CNOT1: variants seen among roughly 807,000 people sequenced by gnomAD.
CNOT1 encodes CCR4-associated factor 1.
CNOT1 carries 15 observed loss-of-function variants against 273.8 expected under a neutral mutation model. That is an observed-to-expected ratio of 0.05 (90% CI 0.04 to 0.08). CNOT1 has a LOEUF of 0.08. Among genes scored for constraint, CNOT1 ranks in the 10% least tolerant of loss-of-function variants. CNOT1 has a pLI of 1.00. For synonymous variants in CNOT1, 1,022 were observed against 1,005.5 expected (o/e 1.02, Z -0.31); for missense variants, 1,644 against 2,912.2 (o/e 0.56, Z 10.02).
chr16:58,525,160 ACTG>A lies in CNOT1; in HGVS notation c.6784+16_6784+18del, dbSNP rs1164403236. On this transcript the variant is annotated intron_variant, in intron 46 of 48. Coordinates refer to ENST00000317147, the MANE Select transcript of CNOT1 (RefSeq NM_016284.5). ...AAGCACAGAGAACTCTACTCTGAAA[ACTG>A]GCAGGCTTCACTCACCCTCAGTGTC... 6.2e-7 allele frequency: 1 copy of A among 1,611,342 alleles called. No individual in the cohort carries two copies. The highest frequency in any genetic ancestry group is 2.2e-5 in the East Asian group (1 of 44,870).
rs549368805 is a variant in CNOT1, at chr16:58,609,304, G to A, written c.-174-9793C>T. Among the ~76,000 whole-genome samples the A allele has an allele frequency of 2.5e-4, 38 of 151,952 alleles. 2 individuals carry two copies. In the East Asian group the frequency reaches 3.9e-3, roughly 16 times the overall value. ...GGAGAATCACTTGAACCTGGGAGGC[G>A]GAGGTTGCAGTGAGCCAAGCTCTTG... is the stretch of plus-strand genomic sequence containing the variant. On this transcript the variant is annotated intron_variant, in intron 1 of 48. Transcript: ENST00000317147.
At position 58,553,201 on chromosome 16, in the gene CNOT1, G is replaced by A. The variant is rs534659931; in HGVS notation, c.2970+581C>T. Among the ~76,000 whole-genome samples the A allele has an allele frequency of 1.2e-4, 18 of 152,086 alleles. No homozygotes were observed. The South Asian group carries it at 3.7e-3, about 32-fold the overall frequency. On this transcript the variant is annotated intron_variant, in intron 22 of 48. Coordinates refer to ENST00000317147, the MANE Select transcript of CNOT1 (RefSeq NM_016284.5). Reference sequence around the variant, plus strand: ...GTGGGAGAATCACTTGAACCCAGGAGGACAATGTTGCAGTGAACCAAGATT... The same window carrying A: ...GTGGGAGAATCACTTGAACCCAGGAAGACAATGTTGCAGTGAACCAAGATT...
intron 16 of CNOT1, 78 bp downstream of exon 16, chr16:58,574,531 A>T: frequency 1.4e-6 from 2 of 1,388,424 alleles, no homozygotes; most frequent in Non-Finnish European, 9.7e-7. Flanking sequence ...ACTTTCACTG[A>T]ACCTCTTCTT....
At chr16:58,545,306 A>AC in intron 30 of CNOT1, 55 bp downstream of exon 30, 1 of 1,595,034 alleles carries the variant, frequency 6.3e-7, no homozygotes, top group Non-Finnish European at 8.5e-7. Flanking sequence ...GTGGCCAAAC[A>AC]AAATTTACCT....
chr16:58,606,382 C>CAAAAA (rs2042675634), intron 1 of CNOT1, among the ~76,000 whole-genome samples: 2 of 82,160 alleles, frequency 2.4e-5, no homozygotes, highest in African/African-American at 1.2e-4. Context: ...CAGTGAGACC[C>CAAAAA]CGTCCCTTAA....
At chr16:58,541,467 G>C in intron 34 of CNOT1, 34 bp downstream of exon 34, 3 of 1,593,484 alleles carry the variant, frequency 1.9e-6, no homozygotes, top group Non-Finnish European at 2.6e-6. Context: ...AAATTAATTG[G>C]CAAAACACTC....
Position 58,547,741 on chromosome 16 carries a change from T to C in CNOT1, c.3523-59A>G. Reference sequence around the variant, plus strand: ...ATAAGCTTATGAAAGAAAACTCAACTAAGTATTTGAGAATTCCATTATCCT... The same window carrying C: ...ATAAGCTTATGAAAGAAAACTCAACCAAGTATTTGAGAATTCCATTATCCT... On this transcript the variant is annotated intron_variant, in intron 25 of 48. Transcript: ENST00000317147. This position sits in a 1 kb window ranked among gnomAD's most constrained non-coding sequence, Gnocchi z 4.0. The C allele has an allele frequency of 6.6e-7, 1 of 1,515,660 alleles. No individual in the cohort carries two copies. The highest frequency in any genetic ancestry group is 8.9e-7 in the Non-Finnish European group (1 of 1,117,908). The allele number at this position is 1,515,660 out of a possible 1,614,324, so 93.9% of individuals were successfully genotyped here. A position where few individuals can be genotyped will look rare whatever the true frequency, so the allele number is the denominator to read the frequency against.
At chr16:58,583,837 C>G (rs984036145) in intron 8 of CNOT1, among the ~76,000 whole-genome samples, 4 of 151,804 alleles carry the variant, frequency 2.6e-5, no homozygotes, top group Non-Finnish European at 5.9e-5. Flanking sequence ...CAATGCCCAG[C>G]CTGAAAATTT....
chr16:58,597,641 T>C, intron 2 of CNOT1: 1 of 453,862 alleles, frequency 2.2e-6, no homozygotes, highest in South Asian at 1.7e-5. Context: ...GGAGAGATGC[T>C]ATGCCAAAGA....
rs577756044 is a variant in CNOT1 at position 58,566,767 on chromosome 16, G to A, written c.1980-6405C>T. Among the ~76,000 whole-genome samples, 3 of 152,260 alleles carry A rather than the reference G, an allele frequency of 2.0e-5. No homozygotes were observed. In the East Asian group the frequency reaches 5.8e-4, roughly 29 times the overall value. On this transcript the variant is annotated intron_variant, in intron 16 of 48. Transcript: ENST00000317147. Reference sequence around the variant, plus strand: ...CCCAACCTCTGCCTCCCGAGTAGCTGGGATTACAGGCATGCGCCACCACGC... The same window carrying A: ...CCCAACCTCTGCCTCCCGAGTAGCTAGGATTACAGGCATGCGCCACCACGC...
chr16:58,626,531 G>A (rs535558306), intron 1 of CNOT1, among the ~76,000 whole-genome samples: 41 of 151,436 alleles, frequency 2.7e-4, no homozygotes, highest in Non-Finnish European at 5.3e-4. Flanking sequence ...GGAGGCCGAC[G>A]CGGGTGGATC....
Position 58,615,694 on chromosome 16 carries a change from A to G in CNOT1, c.-175+14034T>C, listed in dbSNP as rs1034246764. Among the ~76,000 whole-genome samples, 6 of 126,024 alleles carry G rather than the reference A, an allele frequency of 4.8e-5. 1 individual carries two copies. The highest frequency in any genetic ancestry group is 9.5e-5 in the Non-Finnish European group (5 of 52,904). 82.7% of individuals were successfully genotyped at this position (126,024 alleles called of 152,430 possible). A position where few individuals can be genotyped will look rare whatever the true frequency, so the allele number is the denominator to read the frequency against. ...ACAAAATGATCAAATGAACATTTTT[A>G]GAAGTTACTCTTGATGATGGGAAAT... On this transcript the variant is annotated intron_variant, in intron 1 of 48. Coordinates refer to ENST00000317147, the MANE Select transcript of CNOT1 (RefSeq NM_016284.5).
intron 1 of CNOT1, among the ~76,000 whole-genome samples, chr16:58,603,428 T>TAA (rs1481670421): frequency 1.3e-3 from 195 of 148,432 alleles, no homozygotes; most frequent in African/African-American, 4.6e-3. Context: ...TGTGTGTGTG[T>TAA]GTGTGTGTGT....
chr16:58,559,727 C>T, intron 17 of CNOT1: 2 of 460,190 alleles, frequency 4.3e-6, no homozygotes, highest in Admixed American at 4.2e-5. Flanking sequence ...CCATTCAATG[C>T]ATCTGAAAAT....
intron 1 of CNOT1, among the ~76,000 whole-genome samples, chr16:58,605,935 C>T (rs1304200470): frequency 6.6e-6 from 1 of 152,176 alleles, no homozygotes; most frequent in African/African-American, 2.4e-5. Flanking sequence ...GGATTATAGG[C>T]ATGAGCCACG....
At chr16:58,525,937 G>A in intron 45 of CNOT1, 52 bp downstream of exon 45, 1 of 1,525,592 alleles carries the variant, frequency 6.6e-7, no homozygotes. Flanking sequence ...ACCATACATA[G>A]AAAGTGCTTT....
chr16:58,593,146 G>C (rs931055487), intron 2 of CNOT1, among the ~76,000 whole-genome samples: 44 of 152,318 alleles, frequency 2.9e-4, no homozygotes, highest in African/African-American at 1.1e-3. Context: ...ATTTCGGCCA[G>C]GCGCGGTGGC....
chr16:58,591,439 A>G (rs1234626401), intron 2 of CNOT1, among the ~76,000 whole-genome samples: 1 of 152,184 alleles, frequency 6.6e-6, no homozygotes, highest in Non-Finnish European at 1.5e-5. Flanking sequence ...GAATATTTTT[A>G]AGAGGCAGAA....
intron 34 of CNOT1, 175 bp from the exon 35 acceptor site, chr16:58,540,134 T>G (rs913261008): frequency 3.3e-6 from 2 of 608,570 alleles, no homozygotes; most frequent in African/African-American, 3.7e-5. Context: ...ATTAATACCA[T>G]CAAGTGGCAC....
Sources: allele counts gnomAD v4.1 joint callset (sites outside exome capture counted in the v4.1 genomes callset), GRCh38; gene constraint gnomAD v4.1.1; non-coding constraint Gnocchi (gnomAD v3.1); transcripts MANE v1.5; gene names NCBI Gene and HGNC (gene_info 2026-07-23, HGNC 2026-07-21).